The following NEGR1 variants were observed in gnomAD, a reference collection of about 807,000 sequenced individuals.
The protein encoded by NEGR1 is IgLON family member 4.
NEGR1 carries 10 observed loss-of-function variants against 40.9 expected under a neutral mutation model. The ratio of observed to expected loss-of-function variants is 0.24; its 90% CI spans 0.15 to 0.42. The LOEUF is 0.42. Among genes scored for constraint, NEGR1 ranks in the 10% least tolerant of loss-of-function variants. NEGR1 has a pLI of 1.00. For missense variants in NEGR1, 352 were observed against 438.9 expected, an observed-to-expected ratio of 0.80 and a Z score of 1.77; for synonymous variants, 185 against 166.8, an observed-to-expected ratio of 1.11 and a Z score of -0.84.
chr1:71,559,713 C>T (rs1448792215), intron 6 of NEGR1, among the ~76,000 whole-genome samples: 1 of 151,466 alleles, frequency 6.6e-6, no homozygotes, highest in Non-Finnish European at 1.5e-5. Flanking sequence ...CCAGGTTGGA[C>T]TGTGGATTCA....
Position 71,592,920 on chromosome 1 carries a change from T to A in NEGR1, c.837A>T (p.Arg279Ser). 1 of 1,612,048 alleles carries A rather than the reference T, an allele frequency of 6.2e-7. No homozygotes were observed. The highest frequency in any genetic ancestry group is 8.5e-7 in the Non-Finnish European group (1 of 1,178,206). ...QGIIIQNFST[R>S]SILTVTNVTQ... is the part of the protein sequence containing the mutation. The stretch of plus-strand genomic sequence containing the variant: ...TCACGTTGGTAACAGTGAGAATGGA[T>A]CTTGTGCTAAAATTTTGAATAATAA... The change falls in exon 6 of 7, where the codon AGA becomes AGT. Residue 279 changes from arginine to serine, a missense_variant. Arg to Ser is a moderately radical substitution (Grantham distance 110, BLOSUM62 -1). Coordinates refer to ENST00000357731, the MANE Select transcript of NEGR1 (RefSeq NM_173808.3).
At chr1:71,538,445 A>G (rs548636487) in intron 6 of NEGR1, among the ~76,000 whole-genome samples, 96 of 151,708 alleles carry the variant, frequency 6.3e-4, no homozygotes, top group Non-Finnish European at 1.1e-3. Context: ...ATTGAGACAC[A>G]GCAGAAATTA....
chr1:72,230,958 T>C (rs1654344379), intron 1 of NEGR1, among the ~76,000 whole-genome samples: 1 of 152,190 alleles, frequency 6.6e-6, no homozygotes, highest in Non-Finnish European at 1.5e-5. Flanking sequence ...ATCATCAGTA[T>C]TTCTAAAAAC....
chr1:71,538,573 G>C (rs1435901412), intron 6 of NEGR1, among the ~76,000 whole-genome samples: 1 of 151,686 alleles, frequency 6.6e-6, no homozygotes, highest in East Asian at 2.0e-4. Context: ...ACCAAGGTTA[G>C]TGCTGATGAA....
intron 4 of NEGR1, among the ~76,000 whole-genome samples, chr1:71,652,037 G>T (rs1651735067): frequency 6.6e-6 from 1 of 152,012 alleles, no homozygotes; most frequent in African/African-American, 2.4e-5. Context: ...GGATTTATTT[G>T]TATTTTACAA....
At chr1:71,737,774 A>C (rs1490545656) in intron 3 of NEGR1, among the ~76,000 whole-genome samples, 1 of 152,180 alleles carries the variant, frequency 6.6e-6, no homozygotes, top group African/African-American at 2.4e-5. Flanking sequence ...TAATTTCCTT[A>C]CATTGCCGTT....
At chr1:71,928,620 A>T (rs549747335) in intron 2 of NEGR1, among the ~76,000 whole-genome samples, 5 of 150,614 alleles carry the variant, frequency 3.3e-5, no homozygotes, top group African/African-American at 9.7e-5. Flanking sequence ...TATATATATA[A>T]AATGATCGTC....
chr1:71,867,003 A>G (rs1270280795), intron 2 of NEGR1, among the ~76,000 whole-genome samples: 1 of 152,230 alleles, frequency 6.6e-6, no homozygotes. Flanking sequence ...CATAAAGATT[A>G]TCATATAAGT....
intron 1 of NEGR1, among the ~76,000 whole-genome samples, chr1:71,948,282 G>GT (rs1221232360): frequency 6.6e-6 from 1 of 151,874 alleles, no homozygotes; most frequent in Non-Finnish European, 1.5e-5. Context: ...CTTGAATATC[G>GT]TTTGTATTTA....
At chr1:72,276,362 A>G (rs899841526) in intron 1 of NEGR1, among the ~76,000 whole-genome samples, 2 of 152,102 alleles carry the variant, frequency 1.3e-5, no homozygotes, top group African/African-American at 4.8e-5. Flanking sequence ...ATTAAATTCA[A>G]TAGGCAACAC....
intron 2 of NEGR1, among the ~76,000 whole-genome samples, chr1:71,824,120 G>A (rs1157013838): frequency 1.3e-5 from 2 of 151,878 alleles, no homozygotes; most frequent in Non-Finnish European, 2.9e-5. Flanking sequence ...TGTTTCCAGA[G>A]GATACATTGT....
At chr1:71,458,684 C>A (rs1313573804) in intron 6 of NEGR1, among the ~76,000 whole-genome samples, 2 of 152,048 alleles carry the variant, frequency 1.3e-5, no homozygotes, top group African/African-American at 4.8e-5. Flanking sequence ...TAATACATAT[C>A]CATTAAGTGG....
At chr1:71,600,852 C>G (rs1176972390) in intron 5 of NEGR1, among the ~76,000 whole-genome samples, 2 of 152,186 alleles carry the variant, frequency 1.3e-5, no homozygotes, top group Non-Finnish European at 2.9e-5. Flanking sequence ...TTTAAAAACA[C>G]AACCTAATTC....
intron 2 of NEGR1, among the ~76,000 whole-genome samples, chr1:71,783,224 G>A (rs1255882704): frequency 6.6e-6 from 1 of 152,012 alleles, no homozygotes; most frequent in African/African-American, 2.4e-5. Context: ...ATCTGGTAAT[G>A]GCTGGCAATA....
At chr1:71,819,164 C>T (rs915120668) in intron 2 of NEGR1, among the ~76,000 whole-genome samples, 4 of 151,950 alleles carry the variant, frequency 2.6e-5, no homozygotes, top group African/African-American at 9.7e-5. Flanking sequence ...ATTATCTTCT[C>T]ATGGTGATAG....
intron 6 of NEGR1, among the ~76,000 whole-genome samples, chr1:71,492,162 T>C (rs1030295644): frequency 6.6e-6 from 1 of 152,074 alleles, no homozygotes; most frequent in African/African-American, 2.4e-5. Flanking sequence ...CTAGTTTATA[T>C]CATATTAGAG....
At chr1:71,838,432 A>T (rs974970102) in intron 2 of NEGR1, among the ~76,000 whole-genome samples, 9 of 152,184 alleles carry the variant, frequency 5.9e-5, no homozygotes, top group Non-Finnish European at 1.2e-4. Flanking sequence ...TCTATTTTAA[A>T]AATGATTAGG....
At chr1:72,069,576 C>T (rs559507559) in intron 1 of NEGR1, among the ~76,000 whole-genome samples, 1 of 152,132 alleles carries the variant, frequency 6.6e-6, no homozygotes, top group African/African-American at 2.4e-5. Flanking sequence ...TCCACTATCT[C>T]TCTCTTACAC....
intron 4 of NEGR1, among the ~76,000 whole-genome samples, chr1:71,648,629 G>A (rs11209809): frequency 0.037 from 5,588 of 151,992 alleles, 135 homozygotes; most frequent in African/African-American, 0.073. Context: ...GTTTCCTCAC[G>A]TGGAAACTCT....
Sources: gnomAD v4.1 joint callset for allele counts (sites outside exome capture counted in the v4.1 genomes callset) on GRCh38, gnomAD v4.1.1 for gene constraint, MANE v1.5 for transcripts, NCBI Gene and HGNC (gene_info 2026-07-23, HGNC 2026-07-21) for gene names.